The following MAGI2 variants were observed in gnomAD, a reference collection of about 807,000 sequenced individuals.
The protein encoded by MAGI2 is membrane associated guanylate kinase, WW and PDZ domain containing 2.
A neutral mutation model predicts 133.3 loss-of-function variants in MAGI2; 35 were observed. The ratio of observed to expected loss-of-function variants is 0.26; its 90% CI spans 0.20 to 0.35. MAGI2 has a LOEUF of 0.35. Among genes scored for constraint, MAGI2 ranks in the 10% least tolerant of loss-of-function variants. The probability of loss-of-function intolerance (pLI) is 1.00; values close to 1 mark genes in which losing one functional copy is unlikely to be tolerated. For synonymous variants in MAGI2, 729 were observed against 710.6 expected, an observed-to-expected ratio of 1.03 and a Z score of -0.41; for missense variants, 1,636 against 1,863.4, an observed-to-expected ratio of 0.88 and a Z score of 2.25.
intron 6 of MAGI2, among the ~76,000 whole-genome samples, chr7:78,390,333 T>A (rs17150651): frequency 0.54 from 81,955 of 152,088 alleles, 23,028 homozygotes; most frequent in Middle Eastern, 0.66. Flanking sequence ...CATTTCTCCT[T>A]TCAGCTTTAC....
At position 78,510,862 on chromosome 7, in the gene MAGI2, A is replaced by G. The variant is rs1008632723; in HGVS notation, c.755-9075T>C. On this transcript the variant is annotated intron_variant, in intron 4 of 21. Transcript: ENST00000354212. The stretch of plus-strand genomic sequence containing the variant: ...GCAAAATCAGAAACGCAGCTCCCCA[A>G]TTTTATACTGGTCCAAAGCTTGGTC... Among the ~76,000 whole-genome samples the G allele has an allele frequency of 4.6e-5, 7 of 152,130 alleles. No individual in the cohort carries two copies. In the South Asian group the frequency reaches 6.2e-4, roughly 14 times the overall value.
intron 16 of MAGI2, among the ~76,000 whole-genome samples, chr7:78,158,877 C>G (rs1471732769): frequency 6.6e-6 from 1 of 152,116 alleles, no homozygotes; most frequent in Non-Finnish European, 1.5e-5. Flanking sequence ...TATTGTAAAA[C>G]CTAAGATCAG....
chr7:79,313,958 A>C (rs2129560917), intron 1 of MAGI2, among the ~76,000 whole-genome samples: 1 of 151,702 alleles, frequency 6.6e-6, no homozygotes, highest in South Asian at 2.1e-4. Context: ...ACACACCACC[A>C]CATCCTGCTA....
At chr7:79,018,801 T>C (rs1809003441) in intron 1 of MAGI2, among the ~76,000 whole-genome samples, 1 of 152,112 alleles carries the variant, frequency 6.6e-6, no homozygotes, top group Non-Finnish European at 1.5e-5. Context: ...AAGAAGGGCA[T>C]TACATAAAGG....
At chr7:78,873,896 T>C (rs1795220535) in intron 2 of MAGI2, among the ~76,000 whole-genome samples, 1 of 151,932 alleles carries the variant, frequency 6.6e-6, no homozygotes, top group African/African-American at 2.4e-5. Flanking sequence ...AATGATATGG[T>C]CACAATGATG....
intron 5 of MAGI2, among the ~76,000 whole-genome samples, chr7:78,500,234 A>T (rs1203512415): frequency 6.6e-6 from 1 of 152,220 alleles, no homozygotes; most frequent in African/African-American, 2.4e-5. Context: ...TCAATTTCAC[A>T]ACTGAATTCT....
intron 1 of MAGI2, among the ~76,000 whole-genome samples, chr7:79,283,667 T>C (rs1835804527): frequency 6.6e-6 from 1 of 152,144 alleles, no homozygotes; most frequent in Non-Finnish European, 1.5e-5. Flanking sequence ...AAAATTTCTT[T>C]GTTCTTAAAC....
intron 1 of MAGI2, among the ~76,000 whole-genome samples, chr7:79,201,563 T>C (rs1828619262): frequency 6.6e-6 from 1 of 151,896 alleles, no homozygotes. Context: ...TTGGGATCTG[T>C]TGACCTGAAA....
rs575031188 is a variant in MAGI2 at position 78,124,919 on chromosome 7, G to A, written c.3567+775C>T. Among the ~76,000 whole-genome samples, 5 of 148,832 alleles carry A rather than the reference G, an allele frequency of 3.4e-5. No homozygotes were observed. The East Asian group carries it at 8.0e-4, about 24-fold the overall frequency. ...ACTCTGTTGCCCAGGCTGGAGTGCA[G>A]TGGCACGATCTTGGCTCACTGCAAC... On this transcript the variant is annotated intron_variant, in intron 20 of 21. Transcript: ENST00000354212.
intron 4 of MAGI2, among the ~76,000 whole-genome samples, chr7:78,515,541 T>C (rs572061499): frequency 3.3e-5 from 5 of 152,282 alleles, no homozygotes; most frequent in Admixed American, 1.3e-4. Context: ...AATAAAGATT[T>C]ACTAAGTACT....
intron 1 of MAGI2, among the ~76,000 whole-genome samples, chr7:79,446,164 T>G (rs780427616): frequency 6.6e-6 from 1 of 152,152 alleles, no homozygotes; most frequent in African/African-American, 2.4e-5. Context: ...CTGGGCCTGT[T>G]GTGCAGTGGG....
intron 1 of MAGI2, among the ~76,000 whole-genome samples, chr7:79,292,947 T>C (rs1389996082): frequency 6.6e-6 from 1 of 152,104 alleles, no homozygotes; most frequent in African/African-American, 2.4e-5. Context: ...CCAACCTACA[T>C]TACTGCTTTA....
rs958209938 is a variant in MAGI2, at chr7:78,429,848, G to T, written c.1045+59913C>A. The stretch of plus-strand genomic sequence containing the variant: ...GACCTCATGAGTACCCAAAGATATA[G>T]GTATTATAAGTATTCCCATTTTTAT... On this transcript the variant is annotated intron_variant, in intron 6 of 21. Transcript: ENST00000354212. Among the ~76,000 whole-genome samples, 11 of 152,028 alleles carry T rather than the reference G, an allele frequency of 7.2e-5. No individual in the cohort carries two copies. In the South Asian group the frequency reaches 2.3e-3, roughly 32 times the overall value.
chr7:78,067,809 G>C (rs1315394957), intron 21 of MAGI2, among the ~76,000 whole-genome samples: 3 of 152,162 alleles, frequency 2.0e-5, no homozygotes, highest in Non-Finnish European at 2.9e-5. Flanking sequence ...CAGGACATTG[G>C]GGCAATGCTA....
rs553765354 is a variant in MAGI2 at position 78,433,465 on chromosome 7, A to G, written c.1045+56296T>C. Among the ~76,000 whole-genome samples, 3 of 152,172 alleles carry G rather than the reference A, an allele frequency of 2.0e-5. No homozygotes were observed. The South Asian group carries it at 6.2e-4, about 32-fold the overall frequency. Reference sequence around the variant, plus strand: ...TGTTTCCTCTCAGCCTGCAAACTTTAGGACCAATCTTTCTATCGAAAAATC... The same window carrying G: ...TGTTTCCTCTCAGCCTGCAAACTTTGGGACCAATCTTTCTATCGAAAAATC... On this transcript the variant is annotated intron_variant, in intron 6 of 21. Coordinates refer to ENST00000354212, the MANE Select transcript of MAGI2 (RefSeq NM_012301.4).
chr7:79,082,683 T>A (rs1198488527), intron 1 of MAGI2, among the ~76,000 whole-genome samples: 1 of 152,068 alleles, frequency 6.6e-6, no homozygotes, highest in Non-Finnish European at 1.5e-5. Context: ...TTTTGGTTAT[T>A]CAGGGACCCC....
intron 21 of MAGI2, among the ~76,000 whole-genome samples, chr7:78,076,883 A>C (rs1398292595): frequency 6.7e-6 from 1 of 149,562 alleles, no homozygotes; most frequent in South Asian, 2.1e-4. Flanking sequence ...AAAAAAAAGA[A>C]TTAATGAAAT....
At chr7:78,437,980 A>T (rs1787213427) in intron 6 of MAGI2, among the ~76,000 whole-genome samples, 1 of 152,116 alleles carries the variant, frequency 6.6e-6, no homozygotes. Context: ...GCCAAAAATC[A>T]CTCAGGAGCA....
intron 2 of MAGI2, among the ~76,000 whole-genome samples, chr7:78,666,509 G>T (rs1458478308): frequency 1.3e-5 from 2 of 152,202 alleles, no homozygotes; most frequent in East Asian, 3.9e-4. Context: ...TCAGCTAGAT[G>T]GACCCAAGTC....
Sources: gnomAD v4.1 joint callset for allele counts (sites outside exome capture counted in the v4.1 genomes callset) on GRCh38, gnomAD v4.1.1 for gene constraint, MANE v1.5 for transcripts, NCBI Gene and HGNC (gene_info 2026-07-23, HGNC 2026-07-21) for gene names.